The following FAM185A variants were observed in gnomAD, a reference collection of about 807,000 sequenced individuals.
The protein encoded by FAM185A is family with sequence similarity 185 member A, also known as protein FAM185A.
FAM185A carries 21 observed loss-of-function variants against 45.7 expected under a neutral mutation model. The observed-to-expected ratio is 0.46, with a 90% CI of 0.33 to 0.66. FAM185A has a LOEUF of 0.66. Among genes scored for constraint, FAM185A ranks in the 30% least tolerant of loss-of-function variants. FAM185A has a pLI of 0.03. For missense variants in FAM185A, 305 were observed against 485.4 expected (o/e 0.63, Z 3.49); for synonymous variants, 117 against 194.0 (o/e 0.60, Z 3.30).
chr7:102,758,938 G>A (rs1793944580), intron 3 of FAM185A, among the ~76,000 whole-genome samples: 1 of 151,978 alleles, frequency 6.6e-6, no homozygotes, highest in Non-Finnish European at 1.5e-5. Flanking sequence ...AAACAAGGTA[G>A]GTTATAACAG....
At chr7:102,844,947 G>T in the FAM185A span, among the ~76,000 whole-genome samples, 2 of 152,182 alleles carry the variant, frequency 1.3e-5, no homozygotes, top group Non-Finnish European at 2.9e-5. Flanking sequence ...TGAACAGCCA[G>T]ATGAAAAGGT....
chr7:102,810,171 G>A (rs779493819), downstream of FAM185A, among the ~76,000 whole-genome samples: 43 of 152,112 alleles, frequency 2.8e-4, no homozygotes, highest in Admixed American at 1.4e-3. Flanking sequence ...TTCCTTTATA[G>A]CAAAACAAGA....
intron 7 of FAM185A, among the ~76,000 whole-genome samples, chr7:102,804,531 C>T (rs1001381511): frequency 2.0e-5 from 3 of 152,182 alleles, no homozygotes; most frequent in Non-Finnish European, 4.4e-5. Context: ...CAAAAATCAA[C>T]TCAAGATGGA....
Position 102,808,524 on chromosome 7 carries a change from A to G in FAM185A, c.*122A>G. 1 of 682,870 alleles carries G rather than the reference A, an allele frequency of 1.5e-6. No homozygotes were observed. The highest frequency in any genetic ancestry group is 1.8e-5 in the South Asian group (1 of 55,114). The allele number at this position is 682,870 out of a possible 1,614,324, so 42.3% of individuals were successfully genotyped here. A position where few individuals can be genotyped will look rare whatever the true frequency, so the allele number is the denominator to read the frequency against. ...ACAAATTGAGAATGAATACTGGTGA[A>G]CTGTTTTGGGAGGCTTTTTCAAAAT... On this transcript the variant is annotated 3_prime_UTR_variant, in exon 8 of 8. Coordinates refer to ENST00000413034, the MANE Select transcript of FAM185A (RefSeq NM_001145268.2).
the FAM185A span, among the ~76,000 whole-genome samples, chr7:102,829,782 G>T: frequency 6.6e-6 from 1 of 152,154 alleles, no homozygotes; most frequent in Non-Finnish European, 1.5e-5. Context: ...TTCACCTGTG[G>T]ACTTTTGGGA....
At chr7:102,833,466 C>T in the FAM185A span, among the ~76,000 whole-genome samples, 180 of 143,864 alleles carry the variant, frequency 1.3e-3, no homozygotes, top group Non-Finnish European at 2.1e-3. Flanking sequence ...GAGTCTTCCT[C>T]TGTTGCCCAG....
At chr7:102,843,600 C>T in the FAM185A span, among the ~76,000 whole-genome samples, 1 of 152,022 alleles carries the variant, frequency 6.6e-6, no homozygotes, top group Non-Finnish European at 1.5e-5. Flanking sequence ...CGTGGCGAAA[C>T]CCCGTCTCTA....
the FAM185A span, among the ~76,000 whole-genome samples, chr7:102,837,960 A>G: frequency 6.6e-6 from 1 of 152,278 alleles, no homozygotes; most frequent in African/African-American, 2.4e-5. Context: ...AACATCTGGC[A>G]TACAGAATTA....
intron 5 of FAM185A, among the ~76,000 whole-genome samples, chr7:102,776,116 A>ACATATACACACACACACACAC (rs1198677194): frequency 4.0e-4 from 51 of 126,506 alleles, no homozygotes; most frequent in East Asian, 1.6e-3. Context: ...ACACACACAC[A>ACATATACACACACACACACAC]AATGTTTTCT....
chr7:102,758,451 T>A (rs1334026409), intron 3 of FAM185A, among the ~76,000 whole-genome samples: 1 of 141,122 alleles, frequency 7.1e-6, no homozygotes, highest in Non-Finnish European at 1.5e-5. Context: ...TTTTTTTTTT[T>A]TTTTTTTTAT....
the FAM185A span, among the ~76,000 whole-genome samples, chr7:102,819,890 C>T: frequency 1.4e-4 from 21 of 152,302 alleles, no homozygotes; most frequent in East Asian, 3.9e-3. Flanking sequence ...AAATGCAAAA[C>T]GAAGCTGCTC....
rs1440952078 is a variant in FAM185A, at chr7:102,753,978, G to A, written c.561+2177G>A. ...AAACAAGAAATTCATGAAAAATTACGCCTGTGGATACTAATGGTATACCAA... is the reference window on the plus strand; with the variant it reads ...AAACAAGAAATTCATGAAAAATTACACCTGTGGATACTAATGGTATACCAA... On this transcript the variant is annotated intron_variant, in intron 2 of 7. Transcript: ENST00000413034. 3.3e-5 allele frequency among the ~76,000 whole-genome samples: 5 copies of A among 152,148 alleles called. No homozygotes were observed. The South Asian group carries it at 6.2e-4, about 19-fold the overall frequency.
intron 6 of FAM185A, among the ~76,000 whole-genome samples, chr7:102,785,472 CA>C (rs1168699401): frequency 6.6e-6 from 1 of 151,976 alleles, no homozygotes; most frequent in African/African-American, 2.4e-5. Flanking sequence ...GTACTGGTAC[CA>C]AAACAGAGAT....
At chr7:102,793,976 A>T (rs1015678000) in intron 7 of FAM185A, among the ~76,000 whole-genome samples, 10 of 138,116 alleles carry the variant, frequency 7.2e-5, no homozygotes, top group African/African-American at 2.7e-4. Flanking sequence ...GGAGGCAGAG[A>T]TTGCAGTGAG....
the FAM185A span, among the ~76,000 whole-genome samples, chr7:102,835,213 G>A: frequency 2.6e-5 from 4 of 152,066 alleles, no homozygotes; most frequent in South Asian, 8.3e-4. Flanking sequence ...ACTCATTCCT[G>A]TACTGCATGA....
chr7:102,776,552 A>C (rs1235366482), intron 5 of FAM185A, among the ~76,000 whole-genome samples: 1 of 152,012 alleles, frequency 6.6e-6, no homozygotes, highest in Non-Finnish European at 1.5e-5. Flanking sequence ...GATATAAACA[A>C]GCTATTCTTC....
intron 7 of FAM185A, among the ~76,000 whole-genome samples, chr7:102,788,758 C>A (rs1795975007): frequency 6.6e-6 from 1 of 152,162 alleles, no homozygotes; most frequent in South Asian, 2.1e-4. Context: ...CTAGATGGTA[C>A]AGCCTACTAT....
At chr7:102,779,369 T>C (rs1209317198) in intron 6 of FAM185A, among the ~76,000 whole-genome samples, 40 of 151,980 alleles carry the variant, frequency 2.6e-4, no homozygotes, top group Non-Finnish European at 7.4e-5. Context: ...TGGAGGGAGA[T>C]GGGGTAGAAA....
intron 2 of FAM185A, chr7:102,755,877 G>A (rs2129432602): frequency 4.4e-6 from 3 of 675,074 alleles, no homozygotes; most frequent in Non-Finnish European, 7.9e-6. Flanking sequence ...TCCCAAGTCT[G>A]TGGCTCACAT....
Sources: allele counts gnomAD v4.1 joint callset (sites outside exome capture counted in the v4.1 genomes callset), GRCh38; gene constraint gnomAD v4.1.1; transcripts MANE v1.5; gene names NCBI Gene and HGNC (gene_info 2026-07-23, HGNC 2026-07-21).